Variants in CROCC observed in about 807,000 individuals in gnomAD.
CROCC encodes rootletin.
CROCC carries 180 observed loss-of-function variants against 245.2 expected under a neutral mutation model. That is an observed-to-expected ratio of 0.73 (90% CI 0.65 to 0.83). CROCC has a LOEUF of 0.83. Ranked by LOEUF, CROCC falls within the 40% of genes least tolerant of loss-of-function variation. The pLI, the probability that CROCC is intolerant of heterozygous loss-of-function variation, is 0.00. For missense variants in CROCC, 2,688 were observed against 2,779.4 expected (o/e 0.97, Z 0.74); for synonymous variants, 1,205 against 1,241.6 (o/e 0.97, Z 0.62).
rs187003381 is a variant in CROCC, at chr1:16,923,418, G to A, written c.196+620G>A. Among the ~76,000 whole-genome samples, 7 of 152,414 alleles carry A rather than the reference G, an allele frequency of 4.6e-5. No homozygotes were observed. The Middle Eastern group carries it at 0.017, about 370-fold the overall frequency. On this transcript the variant is annotated intron_variant, in intron 2 of 36. Transcript: ENST00000375541. Reference sequence around the variant, plus strand: ...TTGGCGCCCTGGAGCCCCAGACAGGGAGAGACTCAGAGGGCCCTCACCCTG... The same window carrying A: ...TTGGCGCCCTGGAGCCCCAGACAGGAAGAGACTCAGAGGGCCCTCACCCTG...
At position 16,970,248 on chromosome 1, in the gene CROCC, T is replaced by C. The variant is rs2076492292; in HGVS notation, c.5452-5T>C. Reference sequence around the variant, plus strand: ...GATTCGGGGCCTGCCTGGCTTCTGTTGCAGGTGCTGCGGCAGCGGCAGGAG... The same window carrying C: ...GATTCGGGGCCTGCCTGGCTTCTGTCGCAGGTGCTGCGGCAGCGGCAGGAG... On this transcript the variant is annotated splice_region_variant and splice_polypyrimidine_tract_variant and intron_variant, in intron 33 of 36. Coordinates refer to ENST00000375541, the MANE Select transcript of CROCC (RefSeq NM_014675.5). 2 of 1,547,354 alleles carry C rather than the reference T, an allele frequency of 1.3e-6. No individual in the cohort carries two copies.
rs2075485876 is a variant in CROCC at position 16,924,472 on chromosome 1, G to A, written c.344G>A (p.Ser115Asn). The A allele has an allele frequency of 1.9e-6, 3 of 1,611,778 alleles. No homozygotes were observed. The highest frequency in any genetic ancestry group is 2.2e-5 in the East Asian group (1 of 44,856). ...DELAIKYNAV[S>N]ERLEQALRLE... ...CTCGCCATTAAGTACAATGCGGTCAGCGAGAGGGTGGGTGCCGCCCAGGTG... is the reference window on the plus strand; with the variant it reads ...CTCGCCATTAAGTACAATGCGGTCAACGAGAGGGTGGGTGCCGCCCAGGTG... The change falls in exon 3 of 37, where the codon AGC (serine) becomes AAC (asparagine). Residue 115 changes from serine to asparagine, a missense_variant. By Grantham distance (46) the Ser-to-Asn change is conservative. Around this residue, in one of 9 missense-constraint regions of CROCC, gnomAD observed 972 missense variants for 895.3 expected, o/e 1.09. Transcript: ENST00000375541.
At position 16,954,486 on chromosome 1, in the gene CROCC, C is replaced by T. The variant is rs1329845482; in HGVS notation, c.3321+129C>T. On this transcript the variant is annotated intron_variant, in intron 22 of 36. Coordinates refer to ENST00000375541, the MANE Select transcript of CROCC (RefSeq NM_014675.5). This position sits in a 1 kb window ranked among gnomAD's most constrained non-coding sequence, Gnocchi z 4.4. ...CAGGCTGTGGGAAAGGAGGTTTAGC[C>T]CTTCTTTTGGGAGCCCCCATCTGAG... is the stretch of plus-strand genomic sequence containing the variant. 3.7e-6 allele frequency: 5 copies of T among 1,357,300 alleles called. No individual in the cohort carries two copies. Among genetic ancestry groups the T allele is most frequent in the Non-Finnish European group, 4.0e-6 (4 of 1,012,040 alleles). 84.1% of individuals were successfully genotyped at this position (1,357,300 alleles called of 1,614,324 possible).
At position 16,965,865 on chromosome 1, in the gene CROCC, A is replaced by G. The variant is rs766485868; in HGVS notation, c.4548A>G (p.Gln1516=). The G allele has an allele frequency of 2.5e-6, 4 of 1,613,444 alleles. No homozygotes were observed. The East Asian group carries it at 8.9e-5, about 36-fold the overall frequency. ...GCGGGGCCCTCCGGGAATTCCTGCA[A>G]GAGCTGCGGAGTGCCCAGAGAGAAC... ...AVRGALREFL[Q]ELRSAQRERD... is the part of the protein sequence containing the mutation. Residue 1516 remains glutamine, a synonymous_variant, in exon 28 of 37, where the codon CAA becomes CAG. Transcript: ENST00000375541.
chr1:16,953,281 C>T, intron 20 of CROCC, 21 bp from the exon 21 acceptor site: 1 of 1,559,016 alleles, frequency 6.4e-7, no homozygotes, highest in Non-Finnish European at 8.7e-7. Context: ...GTGTCACAGG[C>T]ATCCGGTCCT....
At chr1:16,944,003 T>C in intron 13 of CROCC, 97 bp from the exon 14 acceptor site, 1 of 1,248,320 alleles carries the variant, frequency 8.0e-7, no homozygotes, top group East Asian at 2.6e-5. Context: ...CTTGGAAGAC[T>C]GGAGGATGTA....
At chr1:16,927,725 G>A (rs1391574816) in intron 3 of CROCC, among the ~76,000 whole-genome samples, 1 of 152,274 alleles carries the variant, frequency 6.6e-6, no homozygotes, top group African/African-American at 2.4e-5. Context: ...GCTGCCTCAG[G>A]CCACCGCCAC....
Position 16,953,658 on chromosome 1 carries a change from G to C in CROCC, c.3186+177G>C, listed in dbSNP as rs1230117135. On this transcript the variant is annotated intron_variant, in intron 21 of 36. Coordinates refer to ENST00000375541, the MANE Select transcript of CROCC (RefSeq NM_014675.5). Reference sequence around the variant, plus strand: ...AGAAGGGGGTTCGTGAGGCTTTGCTGTGCTCCATGCCTGGCACACAGTGAG... The same window carrying C: ...AGAAGGGGGTTCGTGAGGCTTTGCTCTGCTCCATGCCTGGCACACAGTGAG... The C allele has an allele frequency of 1.2e-3, 691 of 596,904 alleles. 8 individuals are homozygous for C. The highest frequency in any genetic ancestry group is 6.7e-3 in the African/African-American group (336 of 49,942). 37.0% of individuals were successfully genotyped at this position (596,904 alleles called of 1,614,324 possible). A position where few individuals can be genotyped will look rare whatever the true frequency, so the allele number is the denominator to read the frequency against.
intron 30 of CROCC, among the ~76,000 whole-genome samples, chr1:16,967,004 G>A (rs2076428832): frequency 6.6e-6 from 1 of 151,988 alleles, no homozygotes; most frequent in East Asian, 1.9e-4. Context: ...GCAATGAGCT[G>A]TGATCATGCC....
chr1:16,961,048 C>T lies in CROCC; in HGVS notation c.4323C>T (p.Arg1441=). The T allele has an allele frequency of 7.5e-7, 1 of 1,334,148 alleles. No homozygotes were observed. The allele number at this position is 1,334,148 out of a possible 1,614,324, so 82.6% of individuals were successfully genotyped here. The change falls in exon 27 of 37, where the codon CGC becomes CGT. Residue 1441 remains arginine, a synonymous_variant. Transcript: ENST00000375541. ...TGGGTGGCCTGCGCTCGGCTCTGCG[C>T]CGGGGCCTCGGCCTCGGTCGCGCGC... ...AQLGGLRSAL[R]RGLGLGRAPS... is the part of the protein sequence containing the mutation.
intron 27 of CROCC, among the ~76,000 whole-genome samples, chr1:16,964,509 C>T (rs1319744132): frequency 1.3e-5 from 2 of 152,084 alleles, no homozygotes; most frequent in Non-Finnish European, 2.9e-5. Context: ...CTGCCTCAGC[C>T]TCCTGAGTAG....
Position 16,961,146 on chromosome 1 carries a change from C to A in CROCC, c.4405+16C>A, listed in dbSNP as rs2076326278. On this transcript the variant is annotated intron_variant, in intron 27 of 36. Transcript: ENST00000375541. ...CCCGCAGAAGGTAAGGGCAGTGCCG[C>A]GCGCAGGGAAGGGGGGAGGTGGGCG... 7.7e-7 allele frequency: 1 copy of A among 1,300,874 alleles called. No homozygotes were observed. Among genetic ancestry groups the A allele is most frequent in the Non-Finnish European group, 9.8e-7 (1 of 1,025,634 alleles). 80.6% of individuals were successfully genotyped at this position (1,300,874 alleles called of 1,614,324 possible). A position where few individuals can be genotyped will look rare whatever the true frequency, so the allele number is the denominator to read the frequency against.
rs200024586 is a variant in CROCC at position 16,955,448 on chromosome 1, T to G, written c.3602T>G (p.Leu1201Arg). Residue 1201 changes from leucine (L) to arginine (R), a missense_variant, in exon 24 of 37, where the codon CTG becomes CGG. Leu to Arg is a moderately radical substitution (Grantham distance 102, BLOSUM62 -2). Coordinates refer to ENST00000375541, the MANE Select transcript of CROCC (RefSeq NM_014675.5). ...GTGCAGCGCCAGGAGGCAGGCGAGCTGCGACGCAGCCTGGGCGAGGGTGCC... is the reference window on the plus strand; with the variant it reads ...GTGCAGCGCCAGGAGGCAGGCGAGCGGCGACGCAGCCTGGGCGAGGGTGCC... Reference protein sequence around the residue: ...REVQRQEAGELRRSLGEGAKE... With the variant: ...REVQRQEAGERRRSLGEGAKE... The G allele has an allele frequency of 6.3e-7, 1 of 1,595,386 alleles. No homozygotes were observed. The highest frequency in any genetic ancestry group is 1.3e-5 in the African/African-American group (1 of 74,770).
chr1:16,921,295 G>A (rs1379680098), upstream of CROCC, among the ~76,000 whole-genome samples: 6 of 152,288 alleles, frequency 3.9e-5, no homozygotes, highest in African/African-American at 7.2e-5. Flanking sequence ...GGGGCCAGAA[G>A]CTTCCCAATA....
At chr1:16,945,983 T>C (rs560994534) in intron 15 of CROCC, among the ~76,000 whole-genome samples, 1 of 152,286 alleles carries the variant, frequency 6.6e-6, no homozygotes, top group Admixed American at 6.5e-5. Flanking sequence ...CTCTGAGCAG[T>C]GCTATCCCTA....
Position 16,938,351 on chromosome 1 carries a change from A to G in CROCC, c.1291-49A>G. ...GGTAGGGAGGGAAAGGGGAGGTTTC[A>G]GATAAGACAGAACCCCAACCACCCT... On this transcript the variant is annotated intron_variant, in intron 10 of 36. Transcript: ENST00000375541. 6 of 1,497,286 alleles carry G rather than the reference A, an allele frequency of 4.0e-6. No homozygotes were observed. In the South Asian group the frequency reaches 5.0e-5, roughly 12 times the overall value. 92.8% of individuals were successfully genotyped at this position (1,497,286 alleles called of 1,614,324 possible). A position where few individuals can be genotyped will look rare whatever the true frequency, so the allele number is the denominator to read the frequency against.
Position 16,954,474 on chromosome 1 carries a change from A to G in CROCC, c.3321+117A>G. 1 of 1,399,424 alleles carries G rather than the reference A, an allele frequency of 7.1e-7. No individual in the cohort carries two copies. Among genetic ancestry groups the G allele is most frequent in the Admixed American group, 2.6e-5 (1 of 38,286 alleles). The allele number at this position is 1,399,424 out of a possible 1,614,324, so 86.7% of individuals were successfully genotyped here. A position where few individuals can be genotyped will look rare whatever the true frequency, so the allele number is the denominator to read the frequency against. On this transcript the variant is annotated intron_variant, in intron 22 of 36. Transcript: ENST00000375541. This position sits in a 1 kb window ranked among gnomAD's most constrained non-coding sequence, Gnocchi z 4.4. ...TGGAGAAGCTTCCAGGCTGTGGGAAAGGAGGTTTAGCCCTTCTTTTGGGAG... is the reference window on the plus strand; with the variant it reads ...TGGAGAAGCTTCCAGGCTGTGGGAAGGGAGGTTTAGCCCTTCTTTTGGGAG...
At chr1:16,929,625 A>C in intron 3 of CROCC, among the ~76,000 whole-genome samples, 1 of 152,388 alleles carries the variant, frequency 6.6e-6, no homozygotes, top group East Asian at 1.9e-4. Context: ...GCTCACCTGC[A>C]TGTGTCCATG....
Position 16,966,472 on chromosome 1 carries a change from T to C in CROCC, c.4761T>C (p.Ser1587=), listed in dbSNP as rs1036150397. ...CGGAGCTGGCGCTGCAGGAGGAGAG[T>C]GTGCGGCGCAGTGAGCGGGAGCGCC... The part of the protein sequence containing the change: ...VQAELALQEE[S]VRRSERERRA... The change falls in exon 30 of 37, where the codon AGT becomes AGC. Residue 1587 remains serine (S), a synonymous_variant. Coordinates refer to ENST00000375541, the MANE Select transcript of CROCC (RefSeq NM_014675.5). This position sits in a 1 kb window ranked among gnomAD's most constrained non-coding sequence, Gnocchi z 4.8. The C allele has an allele frequency of 4.6e-6, 7 of 1,535,058 alleles. No individual in the cohort carries two copies. The highest frequency in any genetic ancestry group is 2.0e-5 in the Admixed American group (1 of 50,780).
Sources: gnomAD v4.1 joint callset for allele counts (sites outside exome capture counted in the v4.1 genomes callset) on GRCh38, gnomAD v4.1.1 for gene constraint, gnomAD v4.1.1 regional missense constraint, Gnocchi (gnomAD v3.1) non-coding constraint, MANE v1.5 for transcripts, NCBI Gene and HGNC (gene_info 2026-07-23, HGNC 2026-07-21) for gene names.